CELF2: variants seen among roughly 807,000 people sequenced by gnomAD.
CELF2 encodes CUGBP Elav-like family member 2.
CELF2 carries 8 observed loss-of-function variants against 62.6 expected under a neutral mutation model. The ratio of observed to expected loss-of-function variants is 0.13; its 90% CI spans 0.07 to 0.23. The LOEUF (loss-of-function observed/expected upper bound fraction) is 0.23. Ranked by LOEUF, CELF2 falls within the 10% of genes least tolerant of loss-of-function variation. CELF2 has a pLI of 1.00. For synonymous variants in CELF2, 258 were observed against 250.0 expected (o/e 1.03, Z -0.30); for missense variants, 333 against 671.0 (o/e 0.50, Z 5.56).
the CELF2 span, among the ~76,000 whole-genome samples, chr10:10,511,479 G>C: frequency 6.6e-6 from 1 of 151,952 alleles, no homozygotes; most frequent in Non-Finnish European, 1.5e-5. Flanking sequence ...ATTTATATAT[G>C]GGTGTGTTTG....
the CELF2 span, among the ~76,000 whole-genome samples, chr10:10,732,075 C>T: frequency 6.6e-6 from 1 of 152,104 alleles, no homozygotes; most frequent in Non-Finnish European, 1.5e-5. Context: ...AACAAAAACC[C>T]CTAACTCATG....
At chr10:10,859,102 T>G (rs1350128694) in intron 1 of CELF2, among the ~76,000 whole-genome samples, 1 of 152,162 alleles carries the variant, frequency 6.6e-6, no homozygotes, top group Admixed American at 6.5e-5. Flanking sequence ...GTATTCGTAT[T>G]AATGATTTTT....
At chr10:11,068,583 C>CG (rs1389785768) in intron 1 of CELF2, among the ~76,000 whole-genome samples, 7 of 150,154 alleles carry the variant, frequency 4.7e-5, no homozygotes, top group Non-Finnish European at 7.4e-5. Context: ...TTTTTTGAGA[C>CG]GGAGTCTTGC....
At chr10:11,317,444 T>A (rs1477628073) in intron 10 of CELF2, 1 of 152,288 alleles carries the variant, frequency 6.6e-6, no homozygotes, top group Non-Finnish European at 1.5e-5. Context: ...CTAGATATTT[T>A]ATACTTAGCT....
At chr10:11,249,285 C>A in intron 4 of CELF2, 84 bp downstream of exon 4, 1 of 1,113,244 alleles carries the variant, frequency 9.0e-7, no homozygotes, top group South Asian at 1.3e-5. Context: ...AGAAGCCGGC[C>A]CAGCTGCTTT....
intron 1 of CELF2, among the ~76,000 whole-genome samples, chr10:11,104,627 AGACGT>A (rs2052840181): frequency 6.6e-6 from 1 of 151,226 alleles, no homozygotes; most frequent in Non-Finnish European, 1.5e-5. Context: ...TACTGCCCTA[AGACGT>A]GATTGTGCCA....
chr10:10,977,668 A>G (rs777025882), intron 2 of CELF2, among the ~76,000 whole-genome samples: 15 of 152,246 alleles, frequency 9.9e-5, no homozygotes, highest in Admixed American at 3.3e-4. Flanking sequence ...GTTTCTTTAA[A>G]GGAAAATGGA....
At chr10:10,809,234 G>A (rs577805690) in intron 1 of CELF2, among the ~76,000 whole-genome samples, 1 of 152,162 alleles carries the variant, frequency 6.6e-6, no homozygotes, top group Admixed American at 6.5e-5. Context: ...TACCATGGAA[G>A]GGCACAGCAA....
chr10:10,812,433 A>C lies in CELF2; in HGVS notation c.53+13616A>C, dbSNP rs140343832. Among the ~76,000 whole-genome samples, 848 of 152,306 alleles carry C rather than the reference A, an allele frequency of 5.6e-3. 8 individuals are homozygous for C. Among genetic ancestry groups the C allele is most frequent in the African/African-American group, 0.02 (815 of 41,562 alleles). ...TTGGGTGGGGACACAGCCAAACCAT[A>C]TCACCACCACTCTCGACTTTAGTGC... On this transcript the variant is annotated intron_variant, in intron 1 of 13. Transcript: ENST00000636488.
chr10:10,476,926 T>C, the CELF2 span, among the ~76,000 whole-genome samples: 1 of 152,168 alleles, frequency 6.6e-6, no homozygotes, highest in African/African-American at 2.4e-5. Flanking sequence ...AATACTGTTT[T>C]AAAAAGTGAT....
the CELF2 span, among the ~76,000 whole-genome samples, chr10:10,700,571 G>T: frequency 6.6e-6 from 1 of 152,280 alleles, no homozygotes; most frequent in East Asian, 1.9e-4. Context: ...GAGACTGAGC[G>T]CTGGGGCCTG....
At chr10:11,123,034 G>C (rs983450062) in intron 1 of CELF2, among the ~76,000 whole-genome samples, 1 of 152,090 alleles carries the variant, frequency 6.6e-6, no homozygotes, top group Admixed American at 6.6e-5. Flanking sequence ...GCAAAAAGAA[G>C]AAAAATAAGG....
At chr10:10,777,229 A>AC in the CELF2 span, among the ~76,000 whole-genome samples, 2 of 152,072 alleles carry the variant, frequency 1.3e-5, no homozygotes, top group Non-Finnish European at 2.9e-5. Context: ...ATTGATCCCC[A>AC]CATTGTCACC....
intron 2 of CELF2, among the ~76,000 whole-genome samples, chr10:11,176,619 C>T (rs927389911): frequency 6.6e-6 from 1 of 152,084 alleles, no homozygotes; most frequent in African/African-American, 2.4e-5. Flanking sequence ...CCTAGGACAG[C>T]GCCTGGCATA....
chr10:10,562,253 G>T, the CELF2 span, among the ~76,000 whole-genome samples: 1 of 152,138 alleles, frequency 6.6e-6, no homozygotes, highest in Admixed American at 6.5e-5. Flanking sequence ...TGTAGATGGT[G>T]GGCAGATTCT....
At chr10:10,697,751 C>T in the CELF2 span, among the ~76,000 whole-genome samples, 2 of 152,082 alleles carry the variant, frequency 1.3e-5, no homozygotes, top group African/African-American at 2.4e-5. Flanking sequence ...TCCCAAAGGC[C>T]GCACCCCCCC....
At chr10:10,843,169 T>C (rs1258568549) in intron 1 of CELF2, among the ~76,000 whole-genome samples, 4 of 152,012 alleles carry the variant, frequency 2.6e-5, no homozygotes, top group Non-Finnish European at 5.9e-5. Flanking sequence ...TGGCAATTTG[T>C]GTCTCCACAA....
intron 2 of CELF2, among the ~76,000 whole-genome samples, chr10:11,172,417 T>C (rs1765112082): frequency 6.6e-6 from 1 of 152,256 alleles, no homozygotes; most frequent in African/African-American, 2.4e-5. Flanking sequence ...CAATTCATTT[T>C]ATGAAATGCA....
rs529547323 is a variant in CELF2, at chr10:11,288,147, G to A, written c.842-271G>A. 5.4e-4 allele frequency among the ~76,000 whole-genome samples: 82 copies of A among 152,340 alleles called. 2 individuals are homozygous for A. Among genetic ancestry groups the A allele is most frequent in the Admixed American group, 4.9e-3 (75 of 15,308 alleles). On this transcript the variant is annotated intron_variant, in intron 8 of 12. Transcript: ENST00000633077. The stretch of plus-strand genomic sequence containing the variant: ...GAATACTGGTTAGCGAGGGAGAAGC[G>A]CAGGCTCTGCCAGGGAGAACTACGG...
Sources: gnomAD v4.1 joint callset for allele counts (sites outside exome capture counted in the v4.1 genomes callset) on GRCh38, gnomAD v4.1.1 for gene constraint, MANE v1.5 for transcripts, NCBI Gene and HGNC (gene_info 2026-07-23, HGNC 2026-07-21) for gene names.